Variants in CYP11A1 observed in about 807,000 individuals in gnomAD.
CYP11A1 encodes the protein cholesterol side-chain cleavage enzyme, mitochondrial.
A neutral mutation model predicts 51.9 loss-of-function variants in CYP11A1; 25 were observed. The observed-to-expected ratio is 0.48, with a 90% CI of 0.35 to 0.67. The LOEUF (loss-of-function observed/expected upper bound fraction) is 0.67, where lower values mean the gene tolerates loss of function less well. CYP11A1 is among the 30% of genes least tolerant of loss of function. The pLI, the probability that CYP11A1 is intolerant of heterozygous loss-of-function variation, is 0.00. For missense variants in CYP11A1, 578 were observed against 680.9 expected (o/e 0.85, Z 1.68); for synonymous variants, 245 against 262.1 (o/e 0.93, Z 0.63).
chr15:74,344,327 A>G (rs2060622385), intron 3 of CYP11A1, among the ~76,000 whole-genome samples: 2 of 152,182 alleles, frequency 1.3e-5, no homozygotes, highest in Non-Finnish European at 2.9e-5. Context: ...CCTCATCTGT[A>G]ATTGGCTGAA....
rs141920628 is a variant in CYP11A1, at chr15:74,345,231, G to A, written c.438C>T (p.Ala146=). Reference sequence around the variant, plus strand: ...TCAGGGCCACCCGGTCTTTCTTCCAGGCTGCCGACTTCCTGAGAAAACATG... The same window carrying A: ...TCAGGGCCACCCGGTCTTTCTTCCAAGCTGCCGACTTCCTGAGAAAACATG... ...PIGVLLKKSA[A]WKKDRVALNQ... The change falls in exon 3 of 9, where the codon GCC becomes GCT. Residue 146 remains alanine, a synonymous_variant. Transcript: ENST00000268053. This position sits in a 1 kb window ranked among gnomAD's most constrained non-coding sequence, Gnocchi z 4.3. 3.6e-4 allele frequency: 585 copies of A among 1,614,174 alleles called. 1 individual carries two copies. The African/African-American group carries it at 6.9e-3, about 19-fold the overall frequency.
chr15:74,360,749 C>A (rs1005700440), intron 1 of CYP11A1, among the ~76,000 whole-genome samples: 2 of 151,884 alleles, frequency 1.3e-5, no homozygotes, highest in Admixed American at 6.6e-5. Context: ...AGTAAAAATA[C>A]AAAATTAGCT....
At chr15:74,365,838 G>A (rs2060729760) in intron 1 of CYP11A1, 3 of 985,526 alleles carry the variant, frequency 3.0e-6, no homozygotes, top group Admixed American at 6.1e-5. Context: ...GCAGAGAAAC[G>A]CATACCGGGT....
chr15:74,337,780 T>C lies in CYP11A1; in HGVS notation c.*192A>G, dbSNP rs561307465. Reference sequence around the variant, plus strand: ...GACACCACATGGTTCAGCTGTTTATTGTCTCCATGGGGTGGGTGAAGAGGA... The same window carrying C: ...GACACCACATGGTTCAGCTGTTTATCGTCTCCATGGGGTGGGTGAAGAGGA... On this transcript the variant is annotated 3_prime_UTR_variant, in exon 9 of 9. Coordinates refer to ENST00000268053, the MANE Select transcript of CYP11A1 (RefSeq NM_000781.3). 6 of 688,108 alleles carry C rather than the reference T, an allele frequency of 8.7e-6. No homozygotes were observed. In the East Asian group the frequency reaches 1.6e-4, roughly 19 times the overall value. The allele number at this position is 688,108 out of a possible 1,614,324, so 42.6% of individuals were successfully genotyped here.
At chr15:74,351,839 C>T (rs1248479773) in intron 1 of CYP11A1, among the ~76,000 whole-genome samples, 1 of 152,202 alleles carries the variant, frequency 6.6e-6, no homozygotes, top group Non-Finnish European at 1.5e-5. Flanking sequence ...ATGTGACACC[C>T]TGCTTTGAAG....
chr15:74,365,740 G>A, intron 1 of CYP11A1: 1 of 985,512 alleles, frequency 1.0e-6, no homozygotes, highest in Non-Finnish European at 1.2e-6. Context: ...GTCGGCTCCG[G>A]TGGGCTCGGG....
chr15:74,348,489 G>T (rs2060642044), intron 1 of CYP11A1, among the ~76,000 whole-genome samples: 1 of 152,172 alleles, frequency 6.6e-6, no homozygotes, highest in Non-Finnish European at 1.5e-5. Flanking sequence ...ACACTTTCAT[G>T]TCACTGCTAG....
At chr15:74,344,658 T>C (rs1241528184) in intron 3 of CYP11A1, among the ~76,000 whole-genome samples, 1 of 152,182 alleles carries the variant, frequency 6.6e-6, no homozygotes, top group African/African-American at 2.4e-5. Context: ...GATTAACCAC[T>C]GAACTCTCCT....
intron 1 of CYP11A1, among the ~76,000 whole-genome samples, chr15:74,361,136 G>T (rs2060706721): frequency 6.6e-6 from 1 of 152,128 alleles, no homozygotes; most frequent in Non-Finnish European, 1.5e-5. Context: ...CTTTCCTAAT[G>T]CCTGGCTTTC....
chr15:74,347,991 T>C lies in CYP11A1; in HGVS notation c.334A>G (p.Lys112Glu). ...IDPEDVALLF[K>E]SEGPNPERFL... ...CGTTCTGGGTTGGGGCCCTCGGACT[T>C]AAAGAGAAGGGCCACATCTTCAGGG... is the stretch of plus-strand genomic sequence containing the variant. The change falls in exon 2 of 9, where the codon AAG becomes GAG. Residue 112 changes from lysine (K) to glutamate (E), a missense_variant. Coordinates refer to ENST00000268053, the MANE Select transcript of CYP11A1 (RefSeq NM_000781.3). 1 of 1,614,106 alleles carries C rather than the reference T, an allele frequency of 6.2e-7. No homozygotes were observed. Among genetic ancestry groups the C allele is most frequent in the Non-Finnish European group, 8.5e-7 (1 of 1,180,008 alleles).
In CYP11A1 at chr15:74,339,595, C is replaced by T. The variant is rs1285339152; in HGVS notation, c.1149G>A (p.Glu383=). The part of the protein sequence containing the change: ...LVPLLKASIK[E]TLRLHPISVT... ...GGTGGTTGTGGGCTTGCCTTAGTGT[C>T]TCCTTGATGCTGGCTTTGAGGAGGG... The change falls in exon 6 of 9, where the codon GAG becomes GAA. Residue 383 remains glutamate, a synonymous_variant. Transcript: ENST00000268053. The T allele has an allele frequency of 6.2e-7, 1 of 1,614,062 alleles. No individual in the cohort carries two copies. Among genetic ancestry groups the T allele is most frequent in the South Asian group, 1.1e-5 (1 of 91,062 alleles).
At position 74,345,396 on chromosome 15, in the gene CYP11A1, C is replaced by T. The variant is rs1358670040; in HGVS notation, c.426-153G>A. The T allele has an allele frequency of 1.3e-6, 1 of 742,562 alleles. No individual in the cohort carries two copies. Among genetic ancestry groups the T allele is most frequent in the Non-Finnish European group, 2.3e-6 (1 of 426,658 alleles). 46.0% of individuals were successfully genotyped at this position (742,562 alleles called of 1,614,324 possible). On this transcript the variant is annotated intron_variant, in intron 2 of 8. Coordinates refer to ENST00000268053, the MANE Select transcript of CYP11A1 (RefSeq NM_000781.3). This position sits in a 1 kb window ranked among gnomAD's most constrained non-coding sequence, Gnocchi z 4.3. ...CCTCTGCCCTCACCTCTCCGAGCAC[C>T]CTCTGCCTCTCACCTCCTCCCTGCT...
In CYP11A1 at chr15:74,345,142, C is replaced by G; in HGVS notation, c.527G>C (p.Arg176Pro). The G allele has an allele frequency of 1.9e-6, 3 of 1,614,142 alleles. No homozygotes were observed. The highest frequency in any genetic ancestry group is 2.5e-6 in the Non-Finnish European group (3 of 1,180,026). ...CCTGTGCAGGACACTGACGAAGTCC[C>G]GAGACACTGCATCCAACAGGGGCAA... ...NFLPLLDAVS[R>P]DFVSVLHRRI... The change falls in exon 3 of 9, where the codon CGG becomes CCG. Residue 176 changes from arginine (R) to proline (P), a missense_variant. Physicochemically the swap from Arg to Pro is moderately radical, Grantham distance 103. Transcript: ENST00000268053. This position sits in a 1 kb window ranked among gnomAD's most constrained non-coding sequence, Gnocchi z 4.3.
chr15:74,350,988 A>G (rs892743499), intron 1 of CYP11A1: 2 of 152,138 alleles, frequency 1.3e-5, no homozygotes, highest in Non-Finnish European at 2.9e-5. Context: ...TTTCTGCTCC[A>G]TACAGGAGCT....
chr15:74,359,206 A>G (rs374730129), intron 1 of CYP11A1, among the ~76,000 whole-genome samples: 1 of 152,056 alleles, frequency 6.6e-6, no homozygotes, highest in Non-Finnish European at 1.5e-5. Flanking sequence ...ACCCCTTACC[A>G]CAAAATCTTC....
At position 74,337,906 on chromosome 15, in the gene CYP11A1, T is replaced by C; in HGVS notation, c.*66A>G. ...AGGACTTGGGACAGACGACTGAAGA[T>C]GCAGAGACCCCATGGGCCCCACCCC... is the stretch of plus-strand genomic sequence containing the variant. On this transcript the variant is annotated 3_prime_UTR_variant, in exon 9 of 9. Transcript: ENST00000268053. 6.2e-7 allele frequency: 1 copy of C among 1,606,554 alleles called. No individual in the cohort carries two copies. Among genetic ancestry groups the C allele is most frequent in the Non-Finnish European group, 8.5e-7 (1 of 1,175,326 alleles).
At chr15:74,338,808 C>T (rs1428155324) in intron 7 of CYP11A1, 40 bp from the exon 8 acceptor site, 2 of 1,583,790 alleles carry the variant, frequency 1.3e-6, no homozygotes, top group South Asian at 2.2e-5. Flanking sequence ...AGCCCCACTT[C>T]CCCACAGCCC....
rs1222999735 is a variant in CYP11A1 at position 74,339,758 on chromosome 15, T to C, written c.991-5A>G. On this transcript the variant is annotated splice_polypyrimidine_tract_variant and splice_region_variant and intron_variant, in intron 5 of 8. Coordinates refer to ENST00000268053, the MANE Select transcript of CYP11A1 (RefSeq NM_000781.3). ...CCACTGCAGGGTCATGGACGTCTGG[T>C]GGGGAGTAGGGTATACAGAAGACCA... 1 of 1,614,038 alleles carries C rather than the reference T, an allele frequency of 6.2e-7. No homozygotes were observed. Among genetic ancestry groups the C allele is most frequent in the Non-Finnish European group, 8.5e-7 (1 of 1,180,004 alleles).
At chr15:74,362,078 A>C in intron 1 of CYP11A1, 1 of 1,370,384 alleles carries the variant, frequency 7.3e-7, no homozygotes, top group East Asian at 2.3e-5. Flanking sequence ...TAACCACCAG[A>C]CCATTCCTTC....
Sources: gnomAD v4.1 joint callset for allele counts (sites outside exome capture counted in the v4.1 genomes callset) on GRCh38, gnomAD v4.1.1 for gene constraint, Gnocchi (gnomAD v3.1) non-coding constraint, MANE v1.5 for transcripts, NCBI Gene and HGNC (gene_info 2026-07-23, HGNC 2026-07-21) for gene names.